CDH22: variants seen among roughly 807,000 people sequenced by gnomAD.
CDH22 encodes cadherin-22.
CDH22 carries 30 observed loss-of-function variants against 58.4 expected under a neutral mutation model. That is an observed-to-expected ratio of 0.51 (90% CI 0.38 to 0.70). The LOEUF (loss-of-function observed/expected upper bound fraction) is 0.70, where lower values mean the gene tolerates loss of function less well. CDH22 is among the 30% of genes least tolerant of loss of function. The probability of loss-of-function intolerance (pLI) is 0.00; values close to 1 mark genes in which losing one functional copy is unlikely to be tolerated. For missense variants in CDH22, 1,014 were observed against 1,233.9 expected (o/e 0.82, Z 2.67); for synonymous variants, 513 against 558.2 (o/e 0.92, Z 1.14).
chr20:46,280,733 C>T (rs1371170325), intron 1 of CDH22, among the ~76,000 whole-genome samples: 3 of 152,214 alleles, frequency 2.0e-5, no homozygotes, highest in Admixed American at 1.3e-4. Flanking sequence ...TTGAGCAATC[C>T]ACTTCCTCAC....
chr20:46,246,130 A>T (rs2086326889), intron 2 of CDH22, among the ~76,000 whole-genome samples: 1 of 152,250 alleles, frequency 6.6e-6, no homozygotes, highest in Admixed American at 6.5e-5. Context: ...AATCAAAATT[A>T]AATGTGAGCA....
At chr20:46,240,223 A>G (rs964550270) in intron 3 of CDH22, among the ~76,000 whole-genome samples, 1 of 151,974 alleles carries the variant, frequency 6.6e-6, no homozygotes, top group African/African-American at 2.4e-5. Flanking sequence ...GCTGGACCCC[A>G]GGATGCTCAT....
intron 1 of CDH22, among the ~76,000 whole-genome samples, chr20:46,262,771 G>A (rs1404665789): frequency 1.3e-5 from 2 of 152,090 alleles, no homozygotes; most frequent in African/African-American, 2.4e-5. Flanking sequence ...CACTACCCAC[G>A]TGGCCCACTC....
intron 1 of CDH22, among the ~76,000 whole-genome samples, chr20:46,264,608 G>A (rs2086449151): frequency 6.6e-6 from 1 of 152,124 alleles, no homozygotes; most frequent in South Asian, 2.1e-4. Flanking sequence ...GTTAGTGGAG[G>A]ATCTGGAATT....
intron 1 of CDH22, among the ~76,000 whole-genome samples, chr20:46,260,888 C>T (rs1162860641): frequency 2.6e-5 from 4 of 152,184 alleles, no homozygotes. Context: ...TCTCACTCTG[C>T]CAAGACCAAG....
chr20:46,294,295 T>G (rs555155015), intron 1 of CDH22, among the ~76,000 whole-genome samples: 1 of 152,250 alleles, frequency 6.6e-6, no homozygotes, highest in Admixed American at 6.5e-5. Flanking sequence ...GGTTCTGTTC[T>G]CTAAGTTCTG....
chr20:46,289,820 G>T (rs1441166446), intron 1 of CDH22, among the ~76,000 whole-genome samples: 1 of 152,214 alleles, frequency 6.6e-6, no homozygotes, highest in African/African-American at 2.4e-5. Context: ...CTAGAGGCCA[G>T]AAGGGATAGA....
chr20:46,262,228 G>C (rs6131043), intron 1 of CDH22, among the ~76,000 whole-genome samples: 8,956 of 151,656 alleles, frequency 0.059, 465 homozygotes, highest in East Asian at 0.26. Context: ...TTGAGGGGGT[G>C]GGGGGTGGTG....
At chr20:46,273,649 G>A (rs1568680565) in intron 1 of CDH22, among the ~76,000 whole-genome samples, 1 of 152,254 alleles carries the variant, frequency 6.6e-6, no homozygotes, top group Non-Finnish European at 1.5e-5. Context: ...AGGCAGGGCT[G>A]TGAGCTCAGA....
intron 7 of CDH22, among the ~76,000 whole-genome samples, chr20:46,206,547 C>T (rs1420006743): frequency 6.6e-6 from 1 of 152,104 alleles, no homozygotes. Flanking sequence ...TTGTTCCTGC[C>T]TCAGGGCCAT....
intron 8 of CDH22, among the ~76,000 whole-genome samples, chr20:46,193,931 A>G (rs2085879379): frequency 6.6e-6 from 1 of 152,124 alleles, no homozygotes. Context: ...AGGTGGGAGG[A>G]TTGCTTGAGC....
intron 7 of CDH22, among the ~76,000 whole-genome samples, chr20:46,204,393 CAAAAAAAAA>C (rs3092239): frequency 3.9e-5 from 3 of 77,278 alleles, no homozygotes; most frequent in Admixed American, 1.4e-4. Flanking sequence ...GACTCTGTCT[CAAAAAAAAA>C]AAAAAAAAAA....
intron 1 of CDH22, among the ~76,000 whole-genome samples, chr20:46,267,730 T>G (rs897505565): frequency 6.6e-6 from 1 of 152,254 alleles, no homozygotes; most frequent in Non-Finnish European, 1.5e-5. Flanking sequence ...CCTCAGTCTT[T>G]CCATCTGTAA....
At chr20:46,192,690 C>T (rs2085869890) in intron 8 of CDH22, among the ~76,000 whole-genome samples, 1 of 152,048 alleles carries the variant, frequency 6.6e-6, no homozygotes, top group South Asian at 2.1e-4. Context: ...CCACTATCCC[C>T]CCAGCCCCTC....
rs929451365 is a variant in CDH22 at position 46,181,609 on chromosome 20, T to TTCCC, written c.1664-3416_1664-3413dup. ...TCCTTCCCTTCCTTCCCTTCCTTCC[T>TTCCC]TCCCTCCCTCCCTCCCTCCCTTCCT... On this transcript the variant is annotated intron_variant, in intron 10 of 11. Transcript: ENST00000537909. Among the ~76,000 whole-genome samples the TTCCC allele has an allele frequency of 2.0e-4, 29 of 142,736 alleles. No individual in the cohort carries two copies. In the South Asian group the frequency reaches 4.1e-3, roughly 20 times the overall value. 93.6% of individuals were successfully genotyped at this position (142,736 alleles called of 152,430 possible). A position where few individuals can be genotyped will look rare whatever the true frequency, so the allele number is the denominator to read the frequency against.
intron 1 of CDH22, among the ~76,000 whole-genome samples, chr20:46,272,049 C>T (rs1003606872): frequency 3.3e-5 from 5 of 152,216 alleles, no homozygotes; most frequent in Non-Finnish European, 7.3e-5. Context: ...GTGTTCCAGG[C>T]CAGAAGGCTG....
chr20:46,219,546 G>A (rs1057239427), intron 4 of CDH22, among the ~76,000 whole-genome samples: 1 of 152,082 alleles, frequency 6.6e-6, no homozygotes, highest in Non-Finnish European at 1.5e-5. Context: ...TTGGCCTCCC[G>A]GCACTAAATG....
chr20:46,198,067 A>G (rs561821265), intron 8 of CDH22, among the ~76,000 whole-genome samples: 1 of 151,976 alleles, frequency 6.6e-6, no homozygotes, highest in East Asian at 1.9e-4. Context: ...GATGCCTGAG[A>G]CCTTGAGGGC....
chr20:46,236,648 A>ACT (rs1795832508), intron 3 of CDH22, among the ~76,000 whole-genome samples: 1 of 96,460 alleles, frequency 1.0e-5, no homozygotes, highest in Non-Finnish European at 2.2e-5. Context: ...TTTATATATT[A>ACT]ATATCTATCT....
Sources: allele counts gnomAD v4.1 joint callset (sites outside exome capture counted in the v4.1 genomes callset), GRCh38; gene constraint gnomAD v4.1.1; transcripts MANE v1.5; gene names NCBI Gene and HGNC (gene_info 2026-07-23, HGNC 2026-07-21).